Variants in SPSB1 observed in about 807,000 individuals in gnomAD.
SPSB1 encodes the protein SPRY domain-containing SOCS box protein 1.
In SPSB1, 8 loss-of-function variants were observed where a neutral mutation model predicts 21.2. That is an observed-to-expected ratio of 0.38 (90% confidence interval 0.22 to 0.68). The LOEUF is 0.68. Among genes scored for constraint, SPSB1 ranks in the 30% least tolerant of loss-of-function variants. SPSB1 has a pLI of 0.53. For missense variants in SPSB1, 242 were observed against 377.8 expected (o/e 0.64, Z 2.98); for synonymous variants, 169 against 161.7 (o/e 1.05, Z -0.34).
chr1:9,341,582 T>C (rs553026981), intron 1 of SPSB1, among the ~76,000 whole-genome samples: 1 of 152,254 alleles, frequency 6.6e-6, no homozygotes, highest in Non-Finnish European at 1.5e-5. Context: ...GGGTCACTTC[T>C]GCCGGTGACA....
intron 1 of SPSB1, among the ~76,000 whole-genome samples, chr1:9,295,191 AGT>A (rs146610581): frequency 8.3e-5 from 12 of 144,856 alleles, no homozygotes; most frequent in South Asian, 2.2e-4. Flanking sequence ...CAGTAGATGG[AGT>A]GTGTGTGTGT....
chr1:9,349,490 T>C (rs565601278), intron 1 of SPSB1, among the ~76,000 whole-genome samples: 1 of 152,360 alleles, frequency 6.6e-6, no homozygotes, highest in Admixed American at 6.5e-5. Flanking sequence ...CGTGAGAGGC[T>C]GAGGCCTTGG....
chr1:9,355,626 A>G lies in SPSB1; in HGVS notation c.-149-117A>G, dbSNP rs939201427. 21 of 1,152,186 alleles carry G rather than the reference A, an allele frequency of 1.8e-5. No individual in the cohort carries two copies. The African/African-American group carries it at 2.5e-4, about 14-fold the overall frequency. 71.4% of individuals were successfully genotyped at this position (1,152,186 alleles called of 1,614,324 possible). On this transcript the variant is annotated intron_variant, in intron 1 of 2. Coordinates refer to ENST00000328089, the MANE Select transcript of SPSB1 (RefSeq NM_025106.4). ...CTCCAGCCTGCCCGTGTCAGGCATG[A>G]CAGAGCCCAGGTGCAGGCTGCTGGG...
At chr1:9,307,395 C>T (rs1639438277) in intron 1 of SPSB1, among the ~76,000 whole-genome samples, 1 of 152,232 alleles carries the variant, frequency 6.6e-6, no homozygotes, top group African/African-American at 2.4e-5. Flanking sequence ...TTCGGCGTCA[C>T]CTCCCATCCT....
At chr1:9,332,326 A>G (rs939110920) in intron 1 of SPSB1, among the ~76,000 whole-genome samples, 1 of 152,210 alleles carries the variant, frequency 6.6e-6, no homozygotes, top group African/African-American at 2.4e-5. Flanking sequence ...GGATTCAGCA[A>G]CTATGGGGGC....
intron 1 of SPSB1, among the ~76,000 whole-genome samples, chr1:9,295,383 C>A (rs963587157): frequency 6.6e-6 from 1 of 152,190 alleles, no homozygotes; most frequent in Non-Finnish European, 1.5e-5. Context: ...CAGCCCCGAG[C>A]AGGGAGCAAG....
chr1:9,336,428 G>A (rs1039983551), intron 1 of SPSB1, among the ~76,000 whole-genome samples: 4 of 152,056 alleles, frequency 2.6e-5, no homozygotes, highest in Non-Finnish European at 4.4e-5. Flanking sequence ...GTTTCTCCAC[G>A]TTGGTCAGGC....
intron 1 of SPSB1, among the ~76,000 whole-genome samples, chr1:9,349,965 G>A (rs983965119): frequency 1.6e-4 from 24 of 151,504 alleles, no homozygotes; most frequent in Non-Finnish European, 2.7e-4. Context: ...CGCCACACAC[G>A]CAGACACAGG....
chr1:9,352,728 A>G (rs4908851), intron 1 of SPSB1, among the ~76,000 whole-genome samples: 70,427 of 147,472 alleles, frequency 0.48, 17,919 homozygotes, highest in South Asian at 0.68. Context: ...CTGAGGTGTT[A>G]CTCTCCTCGC....
chr1:9,364,137 G>A (rs375774977), intron 2 of SPSB1, among the ~76,000 whole-genome samples: 2 of 152,258 alleles, frequency 1.3e-5, no homozygotes, highest in Admixed American at 1.3e-4. Context: ...TTTCTCAGGT[G>A]CTTTCCAGCC....
At chr1:9,355,600 G>T in intron 1 of SPSB1, 143 bp from the exon 2 acceptor site, 1 of 944,750 alleles carries the variant, frequency 1.1e-6, no homozygotes, top group Non-Finnish European at 1.4e-6. Context: ...CTGCGCCAAG[G>T]CTCCAGCCTG....
rs999705942 is a variant in SPSB1, at chr1:9,305,635, C to T, written c.-150+12564C>T. Among the ~76,000 whole-genome samples, 3 of 152,176 alleles carry T rather than the reference C, an allele frequency of 2.0e-5. No homozygotes were observed. Among genetic ancestry groups the T allele is most frequent in the Non-Finnish European group, 2.9e-5 (2 of 68,026 alleles). On this transcript the variant is annotated intron_variant, in intron 1 of 2. Transcript: ENST00000328089. The surrounding 1 kb of genome is among the most constrained non-coding windows in gnomAD (Gnocchi z 4.8). The stretch of plus-strand genomic sequence containing the variant: ...CACGGAACTAAACTGCCAGGTGTTC[C>T]GTTCTCAGACCAGACTTCCTTCCAT...
intron 1 of SPSB1, among the ~76,000 whole-genome samples, chr1:9,341,653 C>T (rs761609680): frequency 1.4e-4 from 22 of 152,130 alleles, no homozygotes; most frequent in Non-Finnish European, 2.6e-4. Flanking sequence ...TCTAGCAGTT[C>T]GGAGGAAGGC....
chr1:9,334,272 G>A (rs1444628662), intron 1 of SPSB1, among the ~76,000 whole-genome samples: 5 of 151,998 alleles, frequency 3.3e-5, no homozygotes, highest in Non-Finnish European at 7.4e-5. Flanking sequence ...TTTTAGTAGA[G>A]ACGGGATTTC....
intron 1 of SPSB1, among the ~76,000 whole-genome samples, chr1:9,304,851 C>A (rs925285783): frequency 6.6e-6 from 1 of 152,126 alleles, no homozygotes; most frequent in Non-Finnish European, 1.5e-5. Context: ...TTTTAAATTT[C>A]TCACAAAGAC....
intron 1 of SPSB1, among the ~76,000 whole-genome samples, chr1:9,318,256 A>G (rs1037375646): frequency 1.3e-5 from 2 of 152,202 alleles, no homozygotes; most frequent in Non-Finnish European, 2.9e-5. Context: ...CAGAACAGTG[A>G]CGGGTCCTCC....
rs996392462 is a variant in SPSB1 at position 9,305,527 on chromosome 1, C to T, written c.-150+12456C>T. Reference sequence around the variant, plus strand: ...TGTCGGATGAAGGAGTAGGTAAGACCGGTGGCGTAGTGGATCCTAGCAGGG... The same window carrying T: ...TGTCGGATGAAGGAGTAGGTAAGACTGGTGGCGTAGTGGATCCTAGCAGGG... On this transcript the variant is annotated intron_variant, in intron 1 of 2. Coordinates refer to ENST00000328089, the MANE Select transcript of SPSB1 (RefSeq NM_025106.4). The surrounding 1 kb of genome is among the most constrained non-coding windows in gnomAD (Gnocchi z 4.8). Among the ~76,000 whole-genome samples the T allele has an allele frequency of 2.0e-5, 3 of 152,158 alleles. No homozygotes were observed. The highest frequency in any genetic ancestry group is 6.5e-5 in the Admixed American group (1 of 15,284).
intron 1 of SPSB1, among the ~76,000 whole-genome samples, chr1:9,333,552 A>T (rs1020590567): frequency 1.3e-5 from 2 of 152,028 alleles, no homozygotes; most frequent in African/African-American, 4.8e-5. Context: ...GCTGGTCTCG[A>T]ACTCTTGACC....
At chr1:9,350,078 G>C (rs955163160) in intron 1 of SPSB1, among the ~76,000 whole-genome samples, 2 of 150,644 alleles carry the variant, frequency 1.3e-5, no homozygotes, top group Admixed American at 6.6e-5. Context: ...CACACACACA[G>C]ATACATACAC....
Sources: allele counts gnomAD v4.1 joint callset (sites outside exome capture counted in the v4.1 genomes callset), GRCh38; gene constraint gnomAD v4.1.1; non-coding constraint Gnocchi (gnomAD v3.1); transcripts MANE v1.5; gene names NCBI Gene and HGNC (gene_info 2026-07-23, HGNC 2026-07-21).